Variants in KANK1 observed in about 807,000 individuals in gnomAD.
KANK1 encodes the protein KN motif and ankyrin repeat domains 1.
In KANK1, 109 loss-of-function variants were observed where a neutral mutation model predicts 106.2. The observed-to-expected ratio is 1.03, with a 90% CI of 0.88 to 1.20. The LOEUF is 1.20. Ranked by LOEUF, KANK1 falls within the 50% of genes most tolerant of loss-of-function variation. The pLI is 0.00. For missense variants in KANK1, 2,399 were observed against 1,710.7 expected, an observed-to-expected ratio of 1.40 and a Z score of -7.10; for synonymous variants, 873 against 652.2, an observed-to-expected ratio of 1.34 and a Z score of -5.16.
intron 1 of KANK1, among the ~76,000 whole-genome samples, chr9:517,879 C>T (rs376886580): frequency 1.7e-4 from 26 of 151,104 alleles, no homozygotes; most frequent in Non-Finnish European, 2.9e-4. Context: ...GCTGGAATTA[C>T]GGAGTCCCCC....
intron 1 of KANK1, among the ~76,000 whole-genome samples, chr9:596,309 G>A (rs541337031): frequency 3.3e-4 from 50 of 151,934 alleles, no homozygotes; most frequent in Admixed American, 9.2e-4. Flanking sequence ...CCCTGTGTAT[G>A]GGCTCTAGAA....
At chr9:645,002 T>TA (rs1458489428) in intron 1 of KANK1, among the ~76,000 whole-genome samples, 1 of 149,686 alleles carries the variant, frequency 6.7e-6, no homozygotes, top group African/African-American at 2.5e-5. Context: ...TGTGCACCTG[T>TA]AGTCCCAGCT....
intron 1 of KANK1, among the ~76,000 whole-genome samples, chr9:638,771 C>G (rs1425692760): frequency 1.3e-5 from 2 of 152,138 alleles, no homozygotes; most frequent in East Asian, 3.8e-4. Flanking sequence ...TCCTCTGATT[C>G]TCCATCAGCG....
At chr9:592,767 G>A (rs1825287099) in intron 1 of KANK1, among the ~76,000 whole-genome samples, 2 of 151,892 alleles carry the variant, frequency 1.3e-5, no homozygotes, top group Non-Finnish European at 2.9e-5. Context: ...ATAGCCACCT[G>A]CAATTTTTGT....
chr9:483,311 G>C (rs2058238800), intron 3 of KANK1, among the ~76,000 whole-genome samples: 1 of 152,120 alleles, frequency 6.6e-6, no homozygotes, highest in South Asian at 2.1e-4. Context: ...GAATCATCTG[G>C]GGGCACTAAT....
At chr9:699,067 G>C (rs552004337) in intron 2 of KANK1, among the ~76,000 whole-genome samples, 7 of 152,156 alleles carry the variant, frequency 4.6e-5, no homozygotes, top group African/African-American at 1.7e-4. Flanking sequence ...TCTTTCCTCT[G>C]CCTAGAATTT....
intron 1 of KANK1, among the ~76,000 whole-genome samples, chr9:612,803 C>T (rs1830880803): frequency 6.6e-6 from 1 of 152,140 alleles, no homozygotes; most frequent in Non-Finnish European, 1.5e-5. Context: ...CTCTTTCGAA[C>T]CCCAGTTTAG....
intron 2 of KANK1, among the ~76,000 whole-genome samples, chr9:679,406 A>G (rs1177776302): frequency 5.3e-5 from 8 of 149,560 alleles, no homozygotes; most frequent in Admixed American, 4.7e-4. Context: ...TATATATGAC[A>G]CTCATAGAAA....
chr9:663,220 G>A (rs7853584), intron 1 of KANK1, among the ~76,000 whole-genome samples: 103,537 of 140,090 alleles, frequency 0.74, 35,620 homozygotes, highest in East Asian at 0.97. Flanking sequence ...CTTTCAAATC[G>A]TACTAAACTA....
intron 2 of KANK1, among the ~76,000 whole-genome samples, chr9:471,184 G>A (rs2058013900): frequency 6.6e-6 from 1 of 152,166 alleles, no homozygotes; most frequent in African/African-American, 2.4e-5. Context: ...CCATCTGATG[G>A]ACTGCACCTC....
intron 5 of KANK1, chr9:731,503 C>T: frequency 2.9e-6 from 1 of 342,450 alleles, no homozygotes; most frequent in Non-Finnish European, 5.4e-6. Flanking sequence ...CATCTCCTCA[C>T]CTCTGATCTG....
Position 713,535 on chromosome 9 carries a change from A to G in KANK1, c.2698+71A>G, listed in dbSNP as rs574356175. The G allele has an allele frequency of 1.1e-3, 1,594 of 1,477,440 alleles. 4 individuals are homozygous for G. Among genetic ancestry groups the G allele is most frequent in the Non-Finnish European group, 1.1e-3 (1,246 of 1,106,654 alleles). The allele number at this position is 1,477,440 out of a possible 1,614,324, so 91.5% of individuals were successfully genotyped here. ...AATGTCTTTCCAGAAGCTAAGGATT[A>G]TTTTTTAACTGCTGGAACCATTTTT... On this transcript the variant is annotated intron_variant, in intron 3 of 11. Transcript: ENST00000382297.
rs1426433664 is a variant in KANK1 at position 730,037 on chromosome 9, C to G, written c.2699-14C>G. On this transcript the variant is annotated splice_polypyrimidine_tract_variant and intron_variant, in intron 3 of 11. Coordinates refer to ENST00000382297, the MANE Select transcript of KANK1 (RefSeq NM_015158.5). ...CTAGCATCACACACTCTGTACCTTT[C>G]TTTTTCCTGATAGGCAATTATTTGG... is the stretch of plus-strand genomic sequence containing the variant. 4 of 1,612,264 alleles carry G rather than the reference C, an allele frequency of 2.5e-6. No individual in the cohort carries two copies. In the Admixed American group the frequency reaches 5.0e-5, roughly 20 times the overall value.
At chr9:552,823 T>C (rs915340994) in intron 1 of KANK1, among the ~76,000 whole-genome samples, 5 of 152,352 alleles carry the variant, frequency 3.3e-5, no homozygotes, top group African/African-American at 1.2e-4. Flanking sequence ...TGAGCTATTT[T>C]TCTACCATGT....
intron 3 of KANK1, among the ~76,000 whole-genome samples, chr9:499,325 G>C (rs186471163): frequency 6.6e-6 from 1 of 152,152 alleles, no homozygotes; most frequent in East Asian, 1.9e-4. Context: ...GCCCAAAGTG[G>C]AACAACCTCA....
intron 1 of KANK1, among the ~76,000 whole-genome samples, chr9:648,244 C>T (rs762339023): frequency 9.9e-5 from 15 of 151,864 alleles, no homozygotes; most frequent in Non-Finnish European, 1.5e-4. Context: ...CCCTGTGATC[C>T]GCCTGCCCCA....
chr9:625,530 A>G (rs985194034), intron 1 of KANK1, among the ~76,000 whole-genome samples: 1 of 151,992 alleles, frequency 6.6e-6, no homozygotes, highest in Non-Finnish European at 1.5e-5. Flanking sequence ...TCTCATAGTT[A>G]TCCGTTGTTA....
intron 1 of KANK1, among the ~76,000 whole-genome samples, chr9:668,069 T>C (rs1563956289): frequency 6.6e-6 from 1 of 152,178 alleles, no homozygotes. Context: ...TTTTATTCCA[T>C]TGTGGTCAGA....
chr9:733,210 A>T (rs1832793621), intron 6 of KANK1: 1 of 152,244 alleles, frequency 6.6e-6, no homozygotes. Flanking sequence ...AGTTTTCAAG[A>T]CCATTAGATA....
Sources: allele counts gnomAD v4.1 joint callset (sites outside exome capture counted in the v4.1 genomes callset), GRCh38; gene constraint gnomAD v4.1.1; transcripts MANE v1.5; gene names NCBI Gene and HGNC (gene_info 2026-07-23, HGNC 2026-07-21).